PTPRA: variants seen among roughly 807,000 people sequenced by gnomAD.
PTPRA encodes receptor-type tyrosine-protein phosphatase alpha.
A neutral mutation model predicts 104.8 loss-of-function variants in PTPRA; 25 were observed. The observed-to-expected ratio is 0.24, with a 90% CI of 0.17 to 0.33. PTPRA has a LOEUF of 0.33. Ranked by LOEUF, PTPRA falls within the 10% of genes least tolerant of loss-of-function variation. The probability of loss-of-function intolerance (pLI) is 1.00; values close to 1 mark genes in which losing one functional copy is unlikely to be tolerated. For missense variants in PTPRA, 765 were observed against 1,015.3 expected, an observed-to-expected ratio of 0.75 and a Z score of 3.35; for synonymous variants, 323 against 368.9, an observed-to-expected ratio of 0.88 and a Z score of 1.43.
At chr20:2,905,007 G>A (rs1260818648) in intron 1 of PTPRA, among the ~76,000 whole-genome samples, 1 of 152,180 alleles carries the variant, frequency 6.6e-6, no homozygotes, top group Non-Finnish European at 1.5e-5. Flanking sequence ...CACACAGCAG[G>A]ATATGAACTT....
intron 9 of PTPRA, among the ~76,000 whole-genome samples, chr20:2,996,153 A>C (rs1243147075): frequency 1.3e-5 from 2 of 152,256 alleles, no homozygotes; most frequent in East Asian, 3.8e-4. Context: ...AACTAAATTA[A>C]GCAAAAACAA....
intron 6 of PTPRA, among the ~76,000 whole-genome samples, chr20:2,982,325 G>C (rs1020346696): frequency 2.6e-5 from 4 of 152,030 alleles, no homozygotes; most frequent in African/African-American, 9.7e-5. Context: ...CTGACCTTGT[G>C]ATCCACCCGC....
At chr20:2,982,371 C>G (rs953049570) in intron 6 of PTPRA, among the ~76,000 whole-genome samples, 1 of 152,010 alleles carries the variant, frequency 6.6e-6, no homozygotes, top group African/African-American at 2.4e-5. Context: ...TGCCTAATTA[C>G]TTTCTTATAA....
At chr20:2,931,060 T>C (rs752939181) in intron 2 of PTPRA, among the ~76,000 whole-genome samples, 8 of 152,154 alleles carry the variant, frequency 5.3e-5, no homozygotes, top group Non-Finnish European at 1.0e-4. Context: ...TCTGGACCAC[T>C]GGGAGTCTGG....
At chr20:2,962,493 T>C (rs1313650116) in intron 3 of PTPRA, among the ~76,000 whole-genome samples, 1 of 152,230 alleles carries the variant, frequency 6.6e-6, no homozygotes, top group East Asian at 1.9e-4. Context: ...AAAACCATTT[T>C]CTATTAATTT....
intron 1 of PTPRA, among the ~76,000 whole-genome samples, chr20:2,899,839 G>GCTCT (rs1286244383): frequency 2.0e-5 from 3 of 152,120 alleles, no homozygotes; most frequent in Admixed American, 2.0e-4. Context: ...AGGCACAGTG[G>GCTCT]CTCTTGCCTG....
chr20:3,014,550 A>G (rs752109243), intron 11 of PTPRA, among the ~76,000 whole-genome samples: 4 of 152,190 alleles, frequency 2.6e-5, no homozygotes, highest in Non-Finnish European at 4.4e-5. Context: ...AAGCTGAGGC[A>G]GGAGAATCAC....
intron 3 of PTPRA, among the ~76,000 whole-genome samples, chr20:2,951,333 C>G (rs527302761): frequency 2.0e-5 from 3 of 152,148 alleles, no homozygotes; most frequent in African/African-American, 7.2e-5. Context: ...ATCTCCTGAC[C>G]TCGTGATCCG....
chr20:2,909,817 TAATA>T (rs2059567556), intron 1 of PTPRA, among the ~76,000 whole-genome samples: 1 of 127,644 alleles, frequency 7.8e-6, no homozygotes, highest in African/African-American at 3.2e-5. Flanking sequence ...TAATATAAGA[TAATA>T]TATATTAGAT....
At chr20:2,934,310 C>T (rs1439931748) in intron 2 of PTPRA, among the ~76,000 whole-genome samples, 1 of 152,042 alleles carries the variant, frequency 6.6e-6, no homozygotes, top group Non-Finnish European at 1.5e-5. Flanking sequence ...CACCATGTTG[C>T]TGAGCCTGGT....
At chr20:2,917,506 A>T (rs2059947169) in intron 1 of PTPRA, among the ~76,000 whole-genome samples, 1 of 152,072 alleles carries the variant, frequency 6.6e-6, no homozygotes, top group South Asian at 2.1e-4. Flanking sequence ...GTCAGCTCAC[A>T]CTTCCAGCCT....
intron 1 of PTPRA, among the ~76,000 whole-genome samples, chr20:2,917,078 C>T (rs530557792): frequency 1.3e-5 from 2 of 151,570 alleles, no homozygotes; most frequent in South Asian, 2.1e-4. Context: ...CTGCCTCAGC[C>T]TCCCGAGTAG....
At chr20:2,892,663 C>T (rs1345741160) in intron 1 of PTPRA, among the ~76,000 whole-genome samples, 1 of 152,158 alleles carries the variant, frequency 6.6e-6, no homozygotes, top group Non-Finnish European at 1.5e-5. Flanking sequence ...TTAAGGTAGG[C>T]TAGGCTAACT....
At chr20:2,903,696 G>T in intron 1 of PTPRA, among the ~76,000 whole-genome samples, 1 of 152,212 alleles carries the variant, frequency 6.6e-6, no homozygotes, top group South Asian at 2.1e-4. Context: ...TTAAAAAAAA[G>T]AAAGAATTAT....
intron 14 of PTPRA, 94 bp from the exon 15 acceptor site, chr20:3,021,960 T>C: frequency 4.7e-6 from 7 of 1,475,318 alleles, no homozygotes; most frequent in Non-Finnish European, 6.5e-6. Context: ...TACTTTTCCA[T>C]TGTCACTGAC....
At chr20:2,966,306 TC>T (rs2061944540) in intron 5 of PTPRA, among the ~76,000 whole-genome samples, 1 of 152,222 alleles carries the variant, frequency 6.6e-6, no homozygotes, top group Admixed American at 6.5e-5. Context: ...TTACTTTATC[TC>T]TCTACCTCGG....
chr20:3,011,498 G>A (rs573677059), intron 11 of PTPRA, among the ~76,000 whole-genome samples: 2 of 152,312 alleles, frequency 1.3e-5, no homozygotes, highest in African/African-American at 4.8e-5. Flanking sequence ...ATTCAGCCCA[G>A]CCTGGTAACC....
At chr20:2,890,358 T>A (rs900009448) in intron 1 of PTPRA, among the ~76,000 whole-genome samples, 2 of 152,204 alleles carry the variant, frequency 1.3e-5, no homozygotes, top group African/African-American at 4.8e-5. Context: ...TTTGTGAACT[T>A]GGGCAAAATA....
intron 20 of PTPRA, among the ~76,000 whole-genome samples, chr20:3,030,133 T>G (rs1054347696): frequency 6.6e-6 from 1 of 152,156 alleles, no homozygotes; most frequent in Non-Finnish European, 1.5e-5. Flanking sequence ...CCCACTGCCC[T>G]GTGATAAAAT....
Sources: gnomAD v4.1 joint callset for allele counts (sites outside exome capture counted in the v4.1 genomes callset) on GRCh38, gnomAD v4.1.1 for gene constraint, MANE v1.5 for transcripts, NCBI Gene and HGNC (gene_info 2026-07-23, HGNC 2026-07-21) for gene names.